FNDC1: variants seen among roughly 807,000 people sequenced by gnomAD.
FNDC1 encodes the protein fibronectin type III domain containing 1.
A neutral mutation model predicts 168.0 loss-of-function variants in FNDC1; 96 were observed. The ratio of observed to expected loss-of-function variants is 0.57; its 90% CI spans 0.48 to 0.68. The LOEUF is 0.68. Ranked by LOEUF, FNDC1 falls within the 30% of genes least tolerant of loss-of-function variation. The probability of loss-of-function intolerance (pLI) is 0.00; values close to 1 mark genes in which losing one functional copy is unlikely to be tolerated. For synonymous variants in FNDC1, 1,099 were observed against 1,025.9 expected, an observed-to-expected ratio of 1.07 and a Z score of -1.36; for missense variants, 2,587 against 2,482.1, an observed-to-expected ratio of 1.04 and a Z score of -0.90.
At chr6:159,261,291 G>T in intron 19 of FNDC1, 22 bp downstream of exon 19, 1 of 1,540,008 alleles carries the variant, frequency 6.5e-7, no homozygotes, top group Non-Finnish European at 8.9e-7. Flanking sequence ...TTCACATTCT[G>T]ATTTGTTTTA....
chr6:159,216,343 C>T (rs977528614), intron 5 of FNDC1, among the ~76,000 whole-genome samples: 2 of 152,208 alleles, frequency 1.3e-5, no homozygotes, highest in Non-Finnish European at 2.9e-5. Flanking sequence ...TGTCCAGCCC[C>T]TTATTGGGCA....
At chr6:159,269,515 C>CATCT (rs1777689923) in intron 22 of FNDC1, among the ~76,000 whole-genome samples, 3 of 52,552 alleles carry the variant, frequency 5.7e-5, no homozygotes, top group Non-Finnish European at 1.2e-4. Context: ...TCCATCCATG[C>CATCT]ATCCATCCAT....
At chr6:159,245,232 A>C (rs760692926) in intron 14 of FNDC1, among the ~76,000 whole-genome samples, 1 of 152,154 alleles carries the variant, frequency 6.6e-6, no homozygotes, top group Non-Finnish European at 1.5e-5. Context: ...TTAAGATGAG[A>C]TTTGGGTGGG....
At chr6:159,246,530 A>G (rs1233972365) in intron 14 of FNDC1, among the ~76,000 whole-genome samples, 1 of 152,204 alleles carries the variant, frequency 6.6e-6, no homozygotes, top group Non-Finnish European at 1.5e-5. Context: ...CTGCTGTGGC[A>G]TGAGGGGCCA....
At chr6:159,179,525 C>T (rs977236235) in intron 1 of FNDC1, among the ~76,000 whole-genome samples, 2 of 152,208 alleles carry the variant, frequency 1.3e-5, no homozygotes, top group Non-Finnish European at 2.9e-5. Context: ...CTTTGTGCAA[C>T]ATCTTCTCAA....
chr6:159,235,880 T>C (rs775348947), intron 11 of FNDC1, among the ~76,000 whole-genome samples: 9 of 152,174 alleles, frequency 5.9e-5, no homozygotes, highest in Non-Finnish European at 1.0e-4. Flanking sequence ...TTCCAATCCT[T>C]CCTTCCTCCA....
At chr6:159,247,290 AC>A (rs1193631347) in intron 15 of FNDC1, among the ~76,000 whole-genome samples, 1 of 151,934 alleles carries the variant, frequency 6.6e-6, no homozygotes, top group Non-Finnish European at 1.5e-5. Flanking sequence ...CTCCCCTTCA[AC>A]CTTTATTTAT....
At position 159,200,532 on chromosome 6, in the gene FNDC1, T is replaced by A. The variant is rs1248567653; in HGVS notation, c.411T>A (p.Ile137=). ...ESPPGGEWIE[I]DGFPIKGPGP... ...ATTTAGGAGGTGAATGGATCGAGAT[T>A]GATGGTTTTCCCATTAAGGGTCCAG... The change falls in exon 4 of 23, where the codon ATT becomes ATA. Residue 137 remains isoleucine (I), a synonymous_variant. Transcript: ENST00000297267. 1.9e-6 allele frequency: 3 copies of A among 1,600,538 alleles called. No homozygotes were observed. Among genetic ancestry groups the A allele is most frequent in the Non-Finnish European group, 2.6e-6 (3 of 1,173,010 alleles).
intron 5 of FNDC1, among the ~76,000 whole-genome samples, chr6:159,215,626 G>A (rs1158399897): frequency 2.0e-5 from 3 of 152,140 alleles, no homozygotes; most frequent in Non-Finnish European, 4.4e-5. Context: ...ATATAAAGGG[G>A]AGTTTATTAA....
chr6:159,266,376 A>C, intron 21 of FNDC1, 131 bp downstream of exon 21: 1 of 915,696 alleles, frequency 1.1e-6, no homozygotes, highest in African/African-American at 1.7e-5. Context: ...CTCTGCCTCT[A>C]ATACAAACCA....
At position 159,215,002 on chromosome 6, in the gene FNDC1, T is replaced by C; in HGVS notation, c.518T>C (p.Leu173Pro). 1 of 1,614,038 alleles carries C rather than the reference T, an allele frequency of 6.2e-7. No homozygotes were observed. Among genetic ancestry groups the C allele is most frequent in the Non-Finnish European group, 8.5e-7 (1 of 1,179,898 alleles). ...CGTGTCCGGTCCTCAGATGACAGGC[T>C]GTCCGTTGCGTGGAAGGCACCACGC... is the stretch of plus-strand genomic sequence containing the variant. ...RVRVRSSDDR[L>P]SVAWKAPRLS... The change falls in exon 5 of 23, where the codon CTG becomes CCG. Residue 173 changes from leucine to proline, a missense_variant. Transcript: ENST00000297267.
intron 4 of FNDC1, among the ~76,000 whole-genome samples, chr6:159,204,179 C>T (rs1313221282): frequency 2.0e-5 from 3 of 152,174 alleles, no homozygotes; most frequent in South Asian, 2.1e-4. Context: ...GACGATGCTG[C>T]GTGACAATCG....
At chr6:159,181,374 G>A (rs1347919609) in intron 1 of FNDC1, among the ~76,000 whole-genome samples, 1 of 152,222 alleles carries the variant, frequency 6.6e-6, no homozygotes, top group South Asian at 2.1e-4. Context: ...GGACATTCAA[G>A]TGGTCTTAAT....
chr6:159,240,442 A>G (rs1783393942), intron 14 of FNDC1, among the ~76,000 whole-genome samples: 1 of 152,254 alleles, frequency 6.6e-6, no homozygotes, highest in Non-Finnish European at 1.5e-5. Flanking sequence ...TACTTAGATC[A>G]CTGAATAGTC....
intron 5 of FNDC1, among the ~76,000 whole-genome samples, chr6:159,219,167 A>G (rs1782768247): frequency 6.6e-6 from 1 of 151,954 alleles, no homozygotes; most frequent in Non-Finnish European, 1.5e-5. Flanking sequence ...CACCCTCCCA[A>G]GTAGTTAGGA....
chr6:159,272,017 T>G lies in FNDC1; in HGVS notation c.*575T>G, dbSNP rs1033831352. ...CAAATCTTATTTGTAAATTCTCAAT[T>G]TTGATATATATATGTATATATGCAT... On this transcript the variant is annotated 3_prime_UTR_variant, in exon 23 of 23. Transcript: ENST00000297267. 6.5e-6 allele frequency: 1 copy of G among 153,128 alleles called. No homozygotes were observed. Among genetic ancestry groups the G allele is most frequent in the Non-Finnish European group, 1.5e-5 (1 of 68,712 alleles). The allele number at this position is 153,128 out of a possible 1,614,324, so 9.5% of individuals were successfully genotyped here.
At position 159,186,575 on chromosome 6, in the gene FNDC1, T is replaced by A. The variant is rs144737193; in HGVS notation, c.110-10856T>A. On this transcript the variant is annotated intron_variant, in intron 1 of 22. Coordinates refer to ENST00000297267, the MANE Select transcript of FNDC1 (RefSeq NM_032532.3). ...TAAGGCAGCATGCCTGGCAGTTGCCTGCATGGCAAGCTGACATGCAGCTCC... is the reference window on the plus strand; with the variant it reads ...TAAGGCAGCATGCCTGGCAGTTGCCAGCATGGCAAGCTGACATGCAGCTCC... 2.0e-4 allele frequency among the ~76,000 whole-genome samples: 31 copies of A among 152,352 alleles called. No individual in the cohort carries two copies. In the South Asian group the frequency reaches 3.5e-3, roughly 17 times the overall value.
intron 11 of FNDC1, among the ~76,000 whole-genome samples, chr6:159,234,715 G>T (rs1186552077): frequency 1.3e-5 from 2 of 152,220 alleles, no homozygotes; most frequent in African/African-American, 2.4e-5. Flanking sequence ...CCCTAAGGCA[G>T]ACACCTCAGA....
chr6:159,245,452 C>CT (rs1403553815), intron 14 of FNDC1, among the ~76,000 whole-genome samples: 1 of 152,034 alleles, frequency 6.6e-6, no homozygotes, highest in Non-Finnish European at 1.5e-5. Context: ...TTGCTGTGGG[C>CT]TTCAGGTCAA....
Sources: allele counts gnomAD v4.1 joint callset (sites outside exome capture counted in the v4.1 genomes callset), GRCh38; gene constraint gnomAD v4.1.1; transcripts MANE v1.5; gene names NCBI Gene and HGNC (gene_info 2026-07-23, HGNC 2026-07-21).